Variants in TMEM44 observed in about 807,000 individuals in gnomAD.
TMEM44 encodes the protein transmembrane protein 44.
Under a neutral mutation model 47.8 loss-of-function variants are expected in TMEM44, and 43 were observed. The observed-to-expected ratio is 0.90, with a 90% CI of 0.70 to 1.16. The LOEUF is 1.16. Among genes scored for constraint, TMEM44 ranks in the 50% most tolerant of loss-of-function variants. The pLI, the probability that TMEM44 is intolerant of heterozygous loss-of-function variation, is 0.00. For synonymous variants in TMEM44, 277 were observed against 238.8 expected (o/e 1.16, Z -1.48); for missense variants, 568 against 555.2 (o/e 1.02, Z -0.23).
intron 7 of TMEM44, among the ~76,000 whole-genome samples, chr3:194,612,021 A>AAAATAAAT (rs10578893): frequency 0.065 from 9,493 of 146,598 alleles, 585 homozygotes; most frequent in African/African-American, 0.16. Flanking sequence ...CTCCGTCTCA[A>AAAATAAAT]AAATAAATAA....
chr3:194,623,147 A>C (rs1364460989), intron 5 of TMEM44, 77 bp downstream of exon 5: 1 of 1,422,712 alleles, frequency 7.0e-7, no homozygotes, highest in African/African-American at 1.4e-5. Context: ...CCTCCGCCCC[A>C]TGACCCTCTC....
chr3:194,591,050 C>G (rs1373470729), intron 9 of TMEM44, among the ~76,000 whole-genome samples: 11 of 150,610 alleles, frequency 7.3e-5, no homozygotes, highest in Non-Finnish European at 1.3e-4. Context: ...AAAAATTAGC[C>G]AAGTATAGTG....
chr3:194,626,215 G>A (rs1305330700), intron 2 of TMEM44, among the ~76,000 whole-genome samples: 1 of 152,164 alleles, frequency 6.6e-6, no homozygotes, highest in Non-Finnish European at 1.5e-5. Flanking sequence ...GTATGCAGAT[G>A]CCCACCAGCA....
intron 9 of TMEM44, among the ~76,000 whole-genome samples, chr3:194,596,352 G>A (rs1174770587): frequency 6.6e-6 from 1 of 152,232 alleles, no homozygotes; most frequent in African/African-American, 2.4e-5. Flanking sequence ...GATTGGAAAT[G>A]CCTCTAGAGA....
At chr3:194,617,298 G>T in intron 5 of TMEM44, 29 bp from the exon 6 acceptor site, 3 of 1,468,812 alleles carry the variant, frequency 2.0e-6, no homozygotes, top group Non-Finnish European at 2.7e-6. Flanking sequence ...GGGCTGGGCG[G>T]GAGAAGCAGC....
chr3:194,616,469 A>T (rs1161821863), intron 6 of TMEM44: 1 of 421,522 alleles, frequency 2.4e-6, no homozygotes, highest in African/African-American at 2.1e-5. Context: ...AAAAGGAGAC[A>T]CACGAAGATA....
intron 9 of TMEM44, 41 bp from the exon 10 acceptor site, chr3:194,588,680 T>C (rs1712171216): frequency 1.9e-6 from 3 of 1,557,910 alleles, no homozygotes; most frequent in Middle Eastern, 1.7e-4. Flanking sequence ...GTGGAACGGA[T>C]AGATGCTTCT....
At chr3:194,620,118 CTG>C (rs1716359221) in intron 5 of TMEM44, among the ~76,000 whole-genome samples, 1 of 151,796 alleles carries the variant, frequency 6.6e-6, no homozygotes, top group Non-Finnish European at 1.5e-5. Flanking sequence ...TGGAGAAACC[CTG>C]TCTCTACTAA....
chr3:194,605,613 C>G (rs776505834), intron 8 of TMEM44, among the ~76,000 whole-genome samples: 1 of 152,204 alleles, frequency 6.6e-6, no homozygotes, highest in Non-Finnish European at 1.5e-5. Flanking sequence ...GTCACGAGAA[C>G]AGCACGGGAA....
intron 2 of TMEM44, 95 bp downstream of exon 2, chr3:194,628,288 C>A: frequency 2.0e-6 from 3 of 1,483,604 alleles, no homozygotes; most frequent in Non-Finnish European, 2.7e-6. Flanking sequence ...CATGTTGCAG[C>A]AACAAGACAA....
At chr3:194,601,637 G>A (rs977959907) in intron 9 of TMEM44, among the ~76,000 whole-genome samples, 32 of 151,968 alleles carry the variant, frequency 2.1e-4, no homozygotes, top group African/African-American at 6.3e-4. Context: ...TAGTAGAGAC[G>A]GGGTTTCGCC....
Position 194,633,100 on chromosome 3 carries a change from CAGG to C in TMEM44, c.113_115del (p.Ser38del). The C allele has an allele frequency of 1.3e-6, 2 of 1,549,664 alleles. No individual in the cohort carries two copies. Among genetic ancestry groups the C allele is most frequent in the Admixed American group, 2.0e-5 (1 of 51,196 alleles). ...TTACAGCGCGTGGGCGGCGATCCAG[CAGG>C]AGGAGGCGCAGATCCACAGGCCGAA... is the stretch of plus-strand genomic sequence containing the variant. On this transcript the variant is annotated inframe_deletion, in exon 1 of 10. Transcript: ENST00000347147.
At chr3:194,629,992 G>A (rs13062044) in intron 1 of TMEM44, among the ~76,000 whole-genome samples, 3 of 47,922 alleles carry the variant, frequency 6.3e-5, no homozygotes, top group Non-Finnish European at 7.6e-5. Context: ...CCCTGAAATA[G>A]TATGCTGTCG....
At chr3:194,632,863 C>G in intron 1 of TMEM44, 1 of 813,664 alleles carries the variant, frequency 1.2e-6, no homozygotes, top group Non-Finnish European at 1.8e-6. Context: ...CACCACCCAG[C>G]CTCCTCCCTT....
At chr3:194,605,419 G>C (rs1714667658) in intron 8 of TMEM44, among the ~76,000 whole-genome samples, 1 of 152,220 alleles carries the variant, frequency 6.6e-6, no homozygotes, top group Admixed American at 6.5e-5. Context: ...ACATACCCAA[G>C]ACTGGGAAGA....
chr3:194,592,245 C>A (rs796597393), intron 9 of TMEM44, among the ~76,000 whole-genome samples: 3 of 142,892 alleles, frequency 2.1e-5, no homozygotes, highest in Non-Finnish European at 3.0e-5. Flanking sequence ...AAAAAAAAAT[C>A]ATTGCTGGAA....
At chr3:194,623,782 T>A in intron 3 of TMEM44, 87 bp from the exon 4 acceptor site, 1 of 1,551,966 alleles carries the variant, frequency 6.4e-7, no homozygotes, top group African/African-American at 1.4e-5. Flanking sequence ...TGGTGTCAGC[T>A]CCCCACATGA....
chr3:194,620,442 C>T (rs1003833142), intron 5 of TMEM44, among the ~76,000 whole-genome samples: 1 of 152,072 alleles, frequency 6.6e-6, no homozygotes, highest in African/African-American at 2.4e-5. Context: ...TTCCTTTTTT[C>T]CAGGCCAGAT....
At chr3:194,623,479 T>C in intron 4 of TMEM44, 50 bp downstream of exon 4, 1 of 1,537,612 alleles carries the variant, frequency 6.5e-7, no homozygotes, top group Non-Finnish European at 8.7e-7. Context: ...CCTGGGCATT[T>C]GGCAGGACAT....
Sources: gnomAD v4.1 joint callset for allele counts (sites outside exome capture counted in the v4.1 genomes callset) on GRCh38, gnomAD v4.1.1 for gene constraint, MANE v1.5 for transcripts, NCBI Gene and HGNC (gene_info 2026-07-23, HGNC 2026-07-21) for gene names.